The following CADM2 variants were observed in gnomAD, a reference collection of about 807,000 sequenced individuals.
CADM2 encodes cell adhesion molecule 2.
In CADM2, 12 loss-of-function variants were observed where a neutral mutation model predicts 49.8. The observed-to-expected ratio is 0.24, with a 90% CI of 0.15 to 0.39. The LOEUF (loss-of-function observed/expected upper bound fraction) is 0.39. Ranked by LOEUF, CADM2 falls within the 10% of genes least tolerant of loss-of-function variation. The probability of loss-of-function intolerance (pLI) is 1.00; values close to 1 mark genes in which losing one functional copy is unlikely to be tolerated. For missense variants in CADM2, 378 were observed against 492.3 expected (o/e 0.77, Z 2.20); for synonymous variants, 214 against 175.4 (o/e 1.22, Z -1.74).
At chr3:85,236,499 G>T (rs972358730) in intron 1 of CADM2, among the ~76,000 whole-genome samples, 4 of 151,944 alleles carry the variant, frequency 2.6e-5, no homozygotes, top group African/African-American at 9.7e-5. Context: ...TAAAGAATAG[G>T]AAGACTCAAA....
intron 1 of CADM2, among the ~76,000 whole-genome samples, chr3:85,049,475 C>G (rs926445824): frequency 6.6e-6 from 1 of 151,836 alleles, no homozygotes; most frequent in Admixed American, 6.6e-5. Flanking sequence ...CTCAGCCTCC[C>G]GAGTAACTGG....
chr3:85,447,541 C>T (rs1224303947), intron 1 of CADM2, among the ~76,000 whole-genome samples: 1 of 152,114 alleles, frequency 6.6e-6, no homozygotes, highest in Non-Finnish European at 1.5e-5. Flanking sequence ...GCAATGGTTA[C>T]CCTTCACTTC....
Position 85,428,426 on chromosome 3 carries a change from TTA to T in CADM2, c.62-298083_62-298082del, listed in dbSNP as rs905177036. ...ATTCCCCTATGGGAATAAGTAAGGC[TTA>T]TATATATATATAGATATATATGATA... On this transcript the variant is annotated intron_variant, in intron 1 of 9. Coordinates refer to ENST00000383699, the MANE Select transcript of CADM2 (RefSeq NM_001167675.2). Among the ~76,000 whole-genome samples, 133 of 144,462 alleles carry T rather than the reference TTA, an allele frequency of 9.2e-4. 2 individuals are homozygous for T. The highest frequency in any genetic ancestry group is 2.9e-3 in the African/African-American group (115 of 39,988). 94.8% of individuals were successfully genotyped at this position (144,462 alleles called of 152,430 possible). A position where few individuals can be genotyped will look rare whatever the true frequency, so the allele number is the denominator to read the frequency against.
At chr3:85,754,614 TG>T (rs2069015976) in intron 2 of CADM2, among the ~76,000 whole-genome samples, 1 of 152,334 alleles carries the variant, frequency 6.6e-6, no homozygotes, top group East Asian at 1.9e-4. Context: ...TTGTTTGATT[TG>T]CCAGTTTCAA....
chr3:85,739,713 G>A (rs942080081), intron 2 of CADM2, among the ~76,000 whole-genome samples: 3 of 151,992 alleles, frequency 2.0e-5, no homozygotes, highest in Admixed American at 2.0e-4. Context: ...ATAGTTACAG[G>A]TGAGGAAGCA....
rs60108793 is a variant in CADM2, at chr3:85,691,834, A to G, written c.62-34688A>G. Reference sequence around the variant, plus strand: ...GTTCATGTCCTTTGTAGGGACATGGATGAAGCTGGAAACCATCATTCTCAG... The same window carrying G: ...GTTCATGTCCTTTGTAGGGACATGGGTGAAGCTGGAAACCATCATTCTCAG... On this transcript the variant is annotated intron_variant, in intron 1 of 9. Coordinates refer to ENST00000383699, the MANE Select transcript of CADM2 (RefSeq NM_001167675.2). 3.3e-5 allele frequency among the ~76,000 whole-genome samples: 5 copies of G among 152,330 alleles called. No individual in the cohort carries two copies. In the East Asian group the frequency reaches 9.7e-4, roughly 29 times the overall value.
At chr3:85,199,617 T>C (rs2041441972) in intron 1 of CADM2, among the ~76,000 whole-genome samples, 2 of 151,790 alleles carry the variant, frequency 1.3e-5, no homozygotes, top group African/African-American at 4.8e-5. Context: ...AATTTATAAA[T>C]CTCTAGTATA....
intron 1 of CADM2, among the ~76,000 whole-genome samples, chr3:85,067,419 C>G (rs1049854112): frequency 1.3e-5 from 2 of 151,922 alleles, no homozygotes; most frequent in African/African-American, 2.4e-5. Flanking sequence ...TTAATGGGAA[C>G]ATTTATTTTA....
At chr3:85,673,632 A>G (rs1412427835) in intron 1 of CADM2, among the ~76,000 whole-genome samples, 2 of 152,080 alleles carry the variant, frequency 1.3e-5, no homozygotes, top group African/African-American at 4.8e-5. Context: ...TGTAAGTAAG[A>G]TGTTAACAGG....
intron 2 of CADM2, among the ~76,000 whole-genome samples, chr3:85,738,239 G>T (rs116041158): frequency 0.03 from 4,611 of 152,274 alleles, 92 homozygotes; most frequent in Non-Finnish European, 0.051. Context: ...GCAAATATCT[G>T]TGTATATTAG....
intron 3 of CADM2, among the ~76,000 whole-genome samples, chr3:85,817,489 G>T (rs757142142): frequency 7.1e-6 from 1 of 141,562 alleles, no homozygotes; most frequent in Non-Finnish European, 1.5e-5. Flanking sequence ...TAAAAATATT[G>T]TCTGGGTATT....
At chr3:85,348,817 G>T (rs1317175383) in intron 1 of CADM2, among the ~76,000 whole-genome samples, 2 of 152,008 alleles carry the variant, frequency 1.3e-5, no homozygotes, top group East Asian at 3.8e-4. Context: ...ACTTAAGAGA[G>T]AATATTTTAA....
chr3:85,590,548 G>C (rs2107339749), intron 1 of CADM2, among the ~76,000 whole-genome samples: 1 of 152,032 alleles, frequency 6.6e-6, no homozygotes, highest in East Asian at 1.9e-4. Context: ...TATTCACTGG[G>C]TACTGTGACA....
At chr3:85,286,278 A>T (rs1196968443) in intron 1 of CADM2, among the ~76,000 whole-genome samples, 1 of 152,152 alleles carries the variant, frequency 6.6e-6, no homozygotes, top group Non-Finnish European at 1.5e-5. Context: ...TTTAGTTCCT[A>T]TTTTATTTCA....
chr3:85,377,346 CAG>C (rs1365160436), intron 1 of CADM2, among the ~76,000 whole-genome samples: 1 of 152,020 alleles, frequency 6.6e-6, no homozygotes, highest in African/African-American at 2.4e-5. Flanking sequence ...TCATTAGTGA[CAG>C]AGGCTGGGAA....
At chr3:85,293,237 G>A (rs905505102) in intron 1 of CADM2, among the ~76,000 whole-genome samples, 4 of 151,914 alleles carry the variant, frequency 2.6e-5, no homozygotes, top group African/African-American at 9.7e-5. Flanking sequence ...GACTAAACCA[G>A]GAAGAAGTTG....
chr3:85,684,793 G>A (rs2066153031), intron 1 of CADM2, among the ~76,000 whole-genome samples: 1 of 152,120 alleles, frequency 6.6e-6, no homozygotes, highest in Non-Finnish European at 1.5e-5. Flanking sequence ...TGGGGAAACT[G>A]CCCCCATGAT....
chr3:85,676,923 A>C (rs1477704556), intron 1 of CADM2, among the ~76,000 whole-genome samples: 1 of 152,110 alleles, frequency 6.6e-6, no homozygotes, highest in East Asian at 1.9e-4. Flanking sequence ...ATACCTCATT[A>C]GTTCTGGTTC....
chr3:85,886,852 T>C (rs1230709131), intron 5 of CADM2, among the ~76,000 whole-genome samples: 1 of 152,134 alleles, frequency 6.6e-6, no homozygotes, highest in Non-Finnish European at 1.5e-5. Flanking sequence ...TCTTTATACA[T>C]CTAAATTTAA....
Sources: gnomAD v4.1 joint callset for allele counts (sites outside exome capture counted in the v4.1 genomes callset) on GRCh38, gnomAD v4.1.1 for gene constraint, MANE v1.5 for transcripts, NCBI Gene and HGNC (gene_info 2026-07-23, HGNC 2026-07-21) for gene names.